Variants in QSER1 observed in about 807,000 individuals in gnomAD.
The protein encoded by QSER1 is glutamine and serine rich 1.
In QSER1, 49 loss-of-function variants were observed where a neutral mutation model predicts 158.5. The observed-to-expected ratio is 0.31, with a 90% confidence interval of 0.25 to 0.39. The LOEUF is 0.39. Among genes scored for constraint, QSER1 ranks in the 10% least tolerant of loss-of-function variants. The pLI, the probability that QSER1 is intolerant of heterozygous loss-of-function variation, is 1.00. For synonymous variants in QSER1, 650 were observed against 715.5 expected (o/e 0.91, Z 1.46); for missense variants, 1,754 against 2,010.3 (o/e 0.87, Z 2.44).
chr11:32,936,138 A>G (rs962337576), intron 4 of QSER1, among the ~76,000 whole-genome samples: 9 of 152,022 alleles, frequency 5.9e-5, no homozygotes, highest in Non-Finnish European at 1.3e-4. Flanking sequence ...GGCTGCACCC[A>G]TAACTCGTTA....
At chr11:32,946,234 G>T (rs1852329353) in intron 4 of QSER1, among the ~76,000 whole-genome samples, 1 of 152,192 alleles carries the variant, frequency 6.6e-6, no homozygotes, top group South Asian at 2.1e-4. Context: ...TCTTCTCTCA[G>T]CTCGTCAAAG....
chr11:32,922,586 T>C (rs544011406), intron 1 of QSER1, among the ~76,000 whole-genome samples: 102 of 150,530 alleles, frequency 6.8e-4, no homozygotes, highest in African/African-American at 2.4e-3. Context: ...CCAGGTTCAA[T>C]TGGTTTTCAT....
rs186740532 is a variant in QSER1 at position 32,911,030 on chromosome 11, T to C, written c.210-16127T>C. Among the ~76,000 whole-genome samples the C allele has an allele frequency of 2.5e-3, 387 of 152,336 alleles. 4 individuals are homozygous for C. Among genetic ancestry groups the C allele is most frequent in the African/African-American group, 9.1e-3 (378 of 41,578 alleles). ...CTGTGCTTGATTTATTATTACTGTC[T>C]CCTCAAACGGTTTCTCTAGCTGTCT... On this transcript the variant is annotated intron_variant, in intron 1 of 12. Coordinates refer to ENST00000650167, the MANE Select transcript of QSER1 (RefSeq NM_001076786.3).
At chr11:32,939,948 AT>A (rs35359579) in intron 4 of QSER1, among the ~76,000 whole-genome samples, 36,001 of 124,314 alleles carry the variant, frequency 0.29, 4,293 homozygotes, top group Non-Finnish European at 0.34. Context: ...GAAGACTGAG[AT>A]TTTTTTTTTT....
At position 32,927,957 on chromosome 11, in the gene QSER1, T is replaced by A; in HGVS notation, c.323-5T>A. 1 of 749,348 alleles carries A rather than the reference T, an allele frequency of 1.3e-6. No homozygotes were observed. Among genetic ancestry groups the A allele is most frequent in the Non-Finnish European group, 2.2e-6 (1 of 462,682 alleles). 46.4% of individuals were successfully genotyped at this position (749,348 alleles called of 1,614,324 possible). ...CTTTGGGATATATTTTATCTTCAAA[T>A]TTAGGTCTTTCTGGAATATTTGATA... On this transcript the variant is annotated splice_region_variant and splice_polypyrimidine_tract_variant and intron_variant, in intron 2 of 12. Coordinates refer to ENST00000650167, the MANE Select transcript of QSER1 (RefSeq NM_001076786.3).
chr11:32,907,927 C>G (rs1209133844), intron 1 of QSER1, among the ~76,000 whole-genome samples: 1 of 152,120 alleles, frequency 6.6e-6, no homozygotes, highest in African/African-American at 2.4e-5. Context: ...TAGGGAGACC[C>G]TCGTCTCTAC....
At chr11:32,953,008 GGTC>G (rs1308633005) in intron 4 of QSER1, among the ~76,000 whole-genome samples, 1 of 151,706 alleles carries the variant, frequency 6.6e-6, no homozygotes, top group East Asian at 1.9e-4. Flanking sequence ...TCACCATGTT[GGTC>G]AGGCTGGTCT....
At chr11:32,947,708 G>A (rs1852359284) in intron 4 of QSER1, among the ~76,000 whole-genome samples, 1 of 152,062 alleles carries the variant, frequency 6.6e-6, no homozygotes, top group South Asian at 2.1e-4. Flanking sequence ...TAGATTGCTT[G>A]ATCTGTTGAT....
intron 8 of QSER1, among the ~76,000 whole-genome samples, chr11:32,961,321 T>C (rs935199889): frequency 3.3e-5 from 5 of 152,174 alleles, no homozygotes. Context: ...TTTCATGCTA[T>C]TACATTAAAA....
At chr11:32,926,212 A>G (rs1413505977) in intron 1 of QSER1, 1 of 152,202 alleles carries the variant, frequency 6.6e-6, no homozygotes, top group Non-Finnish European at 1.5e-5. Context: ...GAAATAACCA[A>G]ATGAAATTAC....
chr11:32,958,780 C>T lies in QSER1; in HGVS notation c.4969+694C>T, dbSNP rs1022197331. ...TATAATATAGTAATATATTTAATAA[C>T]GTATGCCACTACATTATTTAATAAA... On this transcript the variant is annotated intron_variant, in intron 8 of 12. Transcript: ENST00000650167. 3.2e-4 allele frequency among the ~76,000 whole-genome samples: 48 copies of T among 152,140 alleles called. 1 individual carries two copies. The highest frequency in any genetic ancestry group is 1.1e-3 in the African/African-American group (45 of 41,432).
intron 1 of QSER1, among the ~76,000 whole-genome samples, chr11:32,897,537 C>T (rs79386849): frequency 2.6e-4 from 39 of 152,288 alleles, no homozygotes; most frequent in East Asian, 1.7e-3. Flanking sequence ...TCTGGCCCAA[C>T]GCTTTTTCCT....
Position 32,935,172 on chromosome 11 carries a change from C to A in QSER1, c.3914C>A (p.Thr1305Asn), listed in dbSNP as rs1395190803. ...STLAVRMPNR[T>N]RRPGTQMVRT... ...CTTGCTGTACGAATGCCTAACAGGA[C>A]TAGACGGCCAGGGACCCAGATGGTT... The change falls in exon 4 of 13, where the codon ACT becomes AAT. Residue 1305 changes from threonine (T) to asparagine (N), a missense_variant. Transcript: ENST00000650167. 2 of 1,613,974 alleles carry A rather than the reference C, an allele frequency of 1.2e-6. No homozygotes were observed. The highest frequency in any genetic ancestry group is 1.7e-6 in the Non-Finnish European group (2 of 1,179,994).
intron 4 of QSER1, among the ~76,000 whole-genome samples, chr11:32,952,444 ATTC>A: frequency 6.6e-6 from 1 of 152,258 alleles, no homozygotes; most frequent in East Asian, 1.9e-4. Flanking sequence ...TTAACTTTGC[ATTC>A]CTAAGATAAA....
At chr11:32,952,375 T>C (rs188848166) in intron 4 of QSER1, among the ~76,000 whole-genome samples, 2 of 129,826 alleles carry the variant, frequency 1.5e-5, no homozygotes, top group Admixed American at 8.7e-5. Flanking sequence ...GAAATGATCC[T>C]GTGCTCCTAT....
chr11:32,919,436 T>C (rs1242677123), intron 1 of QSER1, among the ~76,000 whole-genome samples: 1 of 152,208 alleles, frequency 6.6e-6, no homozygotes, highest in Non-Finnish European at 1.5e-5. Context: ...GATACCCCTC[T>C]TTTGGAATTT....
Position 32,935,212 on chromosome 11 carries a change from C to G in QSER1, c.3954C>G (p.Pro1318=), listed in dbSNP as rs375123573. 12 of 1,613,886 alleles carry G rather than the reference C, an allele frequency of 7.4e-6. No homozygotes were observed. Among genetic ancestry groups the G allele is most frequent in the Non-Finnish European group, 1.0e-5 (12 of 1,179,864 alleles). Residue 1318 remains proline (P), a synonymous_variant, in exon 4 of 13, where the codon CCC becomes CCG. Transcript: ENST00000650167. The stretch of plus-strand genomic sequence containing the variant: ...CCCAGATGGTTCGTACATTTTGTCC[C>G]CCACCACTTCCCAAGCCTTCATCTA... ...PGTQMVRTFC[P]PPLPKPSSTT... is the part of the protein sequence containing the mutation.
chr11:32,927,917 A>ATT (rs60934028), intron 2 of QSER1, 45 bp from the exon 3 acceptor site: 51,979 of 390,526 alleles, frequency 0.13, 1,120 homozygotes, highest in Non-Finnish European at 0.16. Flanking sequence ...ATACAAGTAA[A>ATT]TTTTTTTTTT....
At chr11:32,920,462 T>C (rs1332483231) in intron 1 of QSER1, among the ~76,000 whole-genome samples, 1 of 152,216 alleles carries the variant, frequency 6.6e-6, no homozygotes, top group Non-Finnish European at 1.5e-5. Context: ...GACCTTGGAT[T>C]ACAAGTTATT....
Sources: gnomAD v4.1 joint callset for allele counts (sites outside exome capture counted in the v4.1 genomes callset) on GRCh38, gnomAD v4.1.1 for gene constraint, MANE v1.5 for transcripts, NCBI Gene and HGNC (gene_info 2026-07-23, HGNC 2026-07-21) for gene names.